TRAF5: variants seen among roughly 807,000 people sequenced by gnomAD.
TRAF5 encodes TNF receptor-associated factor 5.
In TRAF5, 48 loss-of-function variants were observed where a neutral mutation model predicts 64.5. The observed-to-expected ratio is 0.74, with a 90% CI of 0.59 to 0.95. TRAF5 has a LOEUF of 0.95. Ranked by LOEUF, TRAF5 falls within the 40% of genes least tolerant of loss-of-function variation. The pLI, the probability that TRAF5 is intolerant of heterozygous loss-of-function variation, is 0.00. For synonymous variants in TRAF5, 206 were observed against 240.5 expected, an observed-to-expected ratio of 0.86 and a Z score of 1.33; for missense variants, 545 against 662.8, an observed-to-expected ratio of 0.82 and a Z score of 1.95.
At chr1:211,333,104 C>T (rs1410036399) in intron 1 of TRAF5, among the ~76,000 whole-genome samples, 1 of 152,214 alleles carries the variant, frequency 6.6e-6, no homozygotes, top group Admixed American at 6.5e-5. Flanking sequence ...TCTCTTCTAC[C>T]TCGTAACAGA....
At chr1:211,330,419 G>A (rs1327243783) in intron 1 of TRAF5, among the ~76,000 whole-genome samples, 2 of 150,486 alleles carry the variant, frequency 1.3e-5, no homozygotes, top group Non-Finnish European at 2.9e-5. Context: ...AGAACAAGGC[G>A]AGAGTACCTT....
chr1:211,346,941 T>C (rs955690972), intron 1 of TRAF5, among the ~76,000 whole-genome samples: 8 of 152,242 alleles, frequency 5.3e-5, no homozygotes, highest in African/African-American at 1.7e-4. Context: ...AGGGAATAGA[T>C]GGGATGTGAC....
intron 10 of TRAF5, 63 bp from the exon 11 acceptor site, chr1:211,372,065 G>T: frequency 7.0e-7 from 1 of 1,436,620 alleles, no homozygotes. Context: ...TCCACTTTGG[G>T]AAAATTTTAA....
intron 1 of TRAF5, among the ~76,000 whole-genome samples, chr1:211,339,820 G>A (rs986583942): frequency 6.6e-6 from 1 of 152,190 alleles, no homozygotes; most frequent in Non-Finnish European, 1.5e-5. Flanking sequence ...CAGGCGGGAG[G>A]GAATTGCCCT....
At chr1:211,359,735 C>A in intron 4 of TRAF5, 177 bp from the exon 5 acceptor site, 1 of 613,252 alleles carries the variant, frequency 1.6e-6, no homozygotes, top group South Asian at 2.5e-5. Flanking sequence ...CCCATGCCCT[C>A]TCCTCAGCAG....
At chr1:211,340,460 T>C (rs1702417566) in intron 1 of TRAF5, among the ~76,000 whole-genome samples, 1 of 152,142 alleles carries the variant, frequency 6.6e-6, no homozygotes, top group African/African-American at 2.4e-5. Flanking sequence ...TTTTGTATTT[T>C]TAGTAGAGAT....
intron 1 of TRAF5, among the ~76,000 whole-genome samples, chr1:211,340,820 C>T (rs928843630): frequency 3.3e-5 from 5 of 152,364 alleles, no homozygotes; most frequent in African/African-American, 1.2e-4. Flanking sequence ...CAATAAGTAG[C>T]GTGGGCTCCC....
At chr1:211,359,042 A>G (rs1703085760) in intron 4 of TRAF5, 1 of 151,832 alleles carries the variant, frequency 6.6e-6, no homozygotes, top group African/African-American at 2.4e-5. Flanking sequence ...AAACTTCTGG[A>G]CTCAACTGAT....
chr1:211,342,078 AT>A (rs1339325812), intron 1 of TRAF5, among the ~76,000 whole-genome samples: 2 of 152,164 alleles, frequency 1.3e-5, no homozygotes, highest in Non-Finnish European at 2.9e-5. Flanking sequence ...GTAACTGTGT[AT>A]TTGAGGCCTT....
At chr1:211,337,552 A>G (rs12723208) in intron 1 of TRAF5, among the ~76,000 whole-genome samples, 20,143 of 152,020 alleles carry the variant, frequency 0.13, 1,398 homozygotes, top group South Asian at 0.2. Context: ...TAAAAGCATC[A>G]CTCTGGCTGC....
intron 1 of TRAF5, among the ~76,000 whole-genome samples, chr1:211,341,082 G>A (rs1702437041): frequency 6.6e-6 from 1 of 152,226 alleles, no homozygotes; most frequent in African/African-American, 2.4e-5. Context: ...CAGCCCCATA[G>A]CTCCATGCAG....
intron 1 of TRAF5, among the ~76,000 whole-genome samples, chr1:211,338,242 C>A (rs1702357332): frequency 6.6e-6 from 1 of 152,202 alleles, no homozygotes; most frequent in African/African-American, 2.4e-5. Context: ...ACTATTATAA[C>A]AAATGGGTCC....
In TRAF5 at chr1:211,326,849, C is replaced by G. The variant is rs1702027952; in HGVS notation, c.-42C>G. The G allele has an allele frequency of 5.1e-6, 5 of 984,814 alleles. No homozygotes were observed. Among genetic ancestry groups the G allele is most frequent in the Non-Finnish European group, 6.0e-6 (5 of 829,556 alleles). 61.0% of individuals were successfully genotyped at this position (984,814 alleles called of 1,614,324 possible). A position where few individuals can be genotyped will look rare whatever the true frequency, so the allele number is the denominator to read the frequency against. ...GCCGCAGCCAGGAGCAGCAGCCGCGCCTGCAGACCGGCCTCGCGGAGCCCG... is the reference window on the plus strand; with the variant it reads ...GCCGCAGCCAGGAGCAGCAGCCGCGGCTGCAGACCGGCCTCGCGGAGCCCG... On this transcript the variant is annotated 5_prime_UTR_variant, in exon 1 of 11. Transcript: ENST00000261464. The surrounding 1 kb of genome is among the most constrained non-coding windows in gnomAD (Gnocchi z 5.0).
rs1033542199 is a variant in TRAF5 at position 211,357,918 on chromosome 1, C to T, written c.378+1450C>T. The T allele has an allele frequency of 2.6e-5, 4 of 152,252 alleles. No individual in the cohort carries two copies. In the East Asian group the frequency reaches 7.7e-4, roughly 29 times the overall value. The allele number at this position is 152,252 out of a possible 1,614,324, so 9.4% of individuals were successfully genotyped here. A position where few individuals can be genotyped will look rare whatever the true frequency, so the allele number is the denominator to read the frequency against. Reference sequence around the variant, plus strand: ...TTTTAGGCTTTGCAGGCCATACAGTCTCTGTCACAATTACTCAGCTCTCCC... The same window carrying T: ...TTTTAGGCTTTGCAGGCCATACAGTTTCTGTCACAATTACTCAGCTCTCCC... On this transcript the variant is annotated intron_variant, in intron 4 of 10. Transcript: ENST00000261464.
At chr1:211,357,970 A>G (rs1211376780) in intron 4 of TRAF5, 6 of 152,330 alleles carry the variant, frequency 3.9e-5, no homozygotes, top group South Asian at 4.1e-4. Context: ...AGCTATAGAC[A>G]ATATGTGAAG....
At chr1:211,350,299 C>T (rs1393003669) in intron 1 of TRAF5, among the ~76,000 whole-genome samples, 1 of 63,558 alleles carries the variant, frequency 1.6e-5, no homozygotes, top group Admixed American at 1.5e-4. Flanking sequence ...GCTGTGGCCT[C>T]CACCTCCCAG....
Position 211,353,323 on chromosome 1 carries a change from G to A in TRAF5, c.84G>A (p.Glu28=). ...GCAACTCCATTTCCTTGGACTTTGA[G>A]CCCAGTATAGAGTACCAGTTTGTGG... ...NSGNSISLDF[E]PSIEYQFVER... is the part of the protein sequence containing the mutation. Residue 28 remains glutamate (E), a synonymous_variant, in exon 2 of 11, where the codon GAG becomes GAA. Transcript: ENST00000261464. The A allele has an allele frequency of 6.2e-7, 1 of 1,614,192 alleles. No individual in the cohort carries two copies.
At chr1:211,365,173 AAAAAAACAAAC>A (rs1703310209) in intron 7 of TRAF5, among the ~76,000 whole-genome samples, 192 bp from the exon 8 acceptor site, 1 of 152,062 alleles carries the variant, frequency 6.6e-6, no homozygotes, top group Non-Finnish European at 1.5e-5. Flanking sequence ...CTGTCTCAAA[AAAAAAACAAAC>A]AAAAACAAAC....
At chr1:211,364,669 GA>G (rs1366858048) in intron 7 of TRAF5, among the ~76,000 whole-genome samples, 1 of 140,674 alleles carries the variant, frequency 7.1e-6, no homozygotes, top group African/African-American at 2.7e-5. Context: ...CTGGGCGACA[GA>G]GCAAGACTCC....
Sources: gnomAD v4.1 joint callset for allele counts (sites outside exome capture counted in the v4.1 genomes callset) on GRCh38, gnomAD v4.1.1 for gene constraint, Gnocchi (gnomAD v3.1) non-coding constraint, MANE v1.5 for transcripts, NCBI Gene and HGNC (gene_info 2026-07-23, HGNC 2026-07-21) for gene names.